The following LARP1B variants were observed in gnomAD, a reference collection of about 807,000 sequenced individuals.
LARP1B encodes la-related protein 1B.
In LARP1B, 76 loss-of-function variants were observed where a neutral mutation model predicts 114.2. The observed-to-expected ratio is 0.67, with a 90% CI of 0.55 to 0.81. The LOEUF (loss-of-function observed/expected upper bound fraction) is 0.81, where lower values mean the gene tolerates loss of function less well. LARP1B is among the 30% of genes least tolerant of loss of function. The pLI is 0.00. For synonymous variants in LARP1B, 345 were observed against 348.0 expected, an observed-to-expected ratio of 0.99 and a Z score of 0.10; for missense variants, 1,014 against 1,075.8, an observed-to-expected ratio of 0.94 and a Z score of 0.80.
chr4:128,122,742 G>A, intron 11 of LARP1B: 3 of 1,215,374 alleles, frequency 2.5e-6, no homozygotes, highest in Non-Finnish European at 3.1e-6. Flanking sequence ...CATTACTGTG[G>A]TGCTAGGGTT....
At position 128,065,265 on chromosome 4, in the gene LARP1B, C is replaced by CAA. The variant is rs1561010273; in HGVS notation, c.-78+3864_-78+3865insAA. Among the ~76,000 whole-genome samples, 306 of 83,244 alleles carry CAA rather than the reference C, an allele frequency of 3.7e-3. 5 individuals are homozygous for CAA. The highest frequency in any genetic ancestry group is 9.3e-3 in the African/African-American group (245 of 26,346). 54.6% of individuals were successfully genotyped at this position (83,244 alleles called of 152,430 possible). A position where few individuals can be genotyped will look rare whatever the true frequency, so the allele number is the denominator to read the frequency against. On this transcript the variant is annotated intron_variant, in intron 1 of 19. Coordinates refer to ENST00000326639, the MANE Select transcript of LARP1B (RefSeq NM_018078.4). ...TCTCCCACAATTAATTTCTTTCTTT[C>CAA]TTTCTTTCTTTCTTTCTTTCTTTCT...
At chr4:128,187,460 T>C (rs2150751093) in intron 15 of LARP1B, among the ~76,000 whole-genome samples, 1 of 152,348 alleles carries the variant, frequency 6.6e-6, no homozygotes, top group African/African-American at 2.4e-5. Flanking sequence ...CTGTAGCCCC[T>C]TTCTTTTGGG....
intron 1 of LARP1B, among the ~76,000 whole-genome samples, chr4:128,072,015 T>TTTATTTAC (rs1765561618): frequency 6.6e-6 from 1 of 151,928 alleles, no homozygotes; most frequent in Admixed American, 6.6e-5. Flanking sequence ...TATTTATTTA[T>TTTATTTAC]TTGAGATGGA....
intron 1 of LARP1B, chr4:128,068,920 T>C (rs1047316964): frequency 7.9e-5 from 39 of 491,366 alleles, no homozygotes; most frequent in Middle Eastern, 5.5e-4. Flanking sequence ...TGAAGCAGTC[T>C]GCAGACTAGT....
At chr4:128,164,225 G>A (rs1739738756) in intron 12 of LARP1B, among the ~76,000 whole-genome samples, 2 of 151,856 alleles carry the variant, frequency 1.3e-5, no homozygotes, top group African/African-American at 2.4e-5. Flanking sequence ...AATACTGAAA[G>A]GTAACTTCTT....
intron 15 of LARP1B, among the ~76,000 whole-genome samples, chr4:128,195,980 G>A (rs1561547137): frequency 6.6e-6 from 1 of 152,082 alleles, no homozygotes; most frequent in South Asian, 2.1e-4. Context: ...TGGGCTGGGC[G>A]TGGTGGCTCA....
At chr4:128,122,427 C>G in intron 11 of LARP1B, 1 of 1,494,488 alleles carries the variant, frequency 6.7e-7, no homozygotes, top group East Asian at 2.5e-5. Flanking sequence ...TACTCACTGA[C>G]TTATACCCTT....
intron 9 of LARP1B, chr4:128,108,306 T>C: frequency 9.8e-7 from 1 of 1,020,874 alleles, no homozygotes; most frequent in Non-Finnish European, 1.2e-6. Flanking sequence ...TGAGTAGCAT[T>C]TCCCAGATTC....
rs559312234 is a variant in LARP1B, at chr4:128,129,164, C to CAAAAAAAAA, written c.1524+7008_1524+7016dup. On this transcript the variant is annotated intron_variant, in intron 11 of 19. Coordinates refer to ENST00000326639, the MANE Select transcript of LARP1B (RefSeq NM_018078.4). ...TGGGCGACAGAGCGAGACTCTGTCT[C>CAAAAAAAAA]AAAAAAAAAAAAAAAAAAAAAAAAA... Among the ~76,000 whole-genome samples, 26 of 49,142 alleles carry CAAAAAAAAA rather than the reference C, an allele frequency of 5.3e-4. 1 individual carries two copies. The highest frequency in any genetic ancestry group is 1.6e-3 in the African/African-American group (17 of 10,316). The allele number at this position is 49,142 out of a possible 152,430, so 32.2% of individuals were successfully genotyped here.
At chr4:128,161,562 T>G (rs1033990512) in intron 11 of LARP1B, among the ~76,000 whole-genome samples, 4 of 152,196 alleles carry the variant, frequency 2.6e-5, no homozygotes, top group African/African-American at 7.2e-5. Context: ...TTTCTCCAAC[T>G]TCCTCATCAG....
intron 11 of LARP1B, among the ~76,000 whole-genome samples, chr4:128,157,954 A>G (rs1256521044): frequency 6.6e-6 from 1 of 152,174 alleles, no homozygotes; most frequent in Non-Finnish European, 1.5e-5. Flanking sequence ...GAGCAATGGG[A>G]AGGGTAAATA....
chr4:128,108,115 G>T, intron 9 of LARP1B: 1 of 1,348,302 alleles, frequency 7.4e-7, no homozygotes, highest in Non-Finnish European at 9.5e-7. Context: ...CAGACCAGAG[G>T]ACTGCTACTC....
At chr4:128,120,012 T>A (rs952377021) in intron 10 of LARP1B, among the ~76,000 whole-genome samples, 1 of 152,230 alleles carries the variant, frequency 6.6e-6, no homozygotes, top group Admixed American at 6.5e-5. Context: ...CAATGTATAT[T>A]GTTTAAAATA....
intron 7 of LARP1B, among the ~76,000 whole-genome samples, chr4:128,096,455 A>G (rs1414313529): frequency 2.6e-5 from 4 of 152,132 alleles, no homozygotes; most frequent in Non-Finnish European, 5.9e-5. Flanking sequence ...ATCCATTTAC[A>G]TTTCTCTCGG....
chr4:128,081,615 A>G (rs910890580), intron 4 of LARP1B, among the ~76,000 whole-genome samples: 2 of 152,090 alleles, frequency 1.3e-5, no homozygotes, highest in African/African-American at 2.4e-5. Flanking sequence ...TTTTAGGCCA[A>G]CTATGGGGAT....
intron 5 of LARP1B, among the ~76,000 whole-genome samples, chr4:128,085,377 T>TTTA (rs869302396): frequency 7.2e-5 from 10 of 139,060 alleles, no homozygotes; most frequent in East Asian, 2.0e-4. Flanking sequence ...TTTTTTTTTT[T>TTTA]AAATAAGTGA....
intron 11 of LARP1B, among the ~76,000 whole-genome samples, chr4:128,133,416 ATGT>A (rs1279081698): frequency 6.6e-6 from 1 of 152,372 alleles, no homozygotes; most frequent in East Asian, 1.9e-4. Flanking sequence ...TATTATTAAC[ATGT>A]CAGTACTATC....
At chr4:128,064,958 G>C (rs114666270) in intron 1 of LARP1B, among the ~76,000 whole-genome samples, 2,706 of 152,150 alleles carry the variant, frequency 0.018, 35 homozygotes, top group Non-Finnish European at 0.026. Context: ...TTTAAAAACT[G>C]TCAAGGTAAG....
In LARP1B at chr4:128,077,797, G is replaced by A. The variant is rs200457224; in HGVS notation, c.52G>A (p.Val18Ile). ...SELVNTGFQS[V>I]LSQGNKKPQN... is the part of the protein sequence containing the mutation. ...GAAAACCTTTTTGCAGTTTCAGAGC[G>A]TCCTCAGCCAAGGAAATAAAAAGCC... The change falls in exon 4 of 20, where the codon GTC becomes ATC. Residue 18 changes from valine to isoleucine, a missense_variant. Coordinates refer to ENST00000326639, the MANE Select transcript of LARP1B (RefSeq NM_018078.4). 401 of 1,586,008 alleles carry A rather than the reference G, an allele frequency of 2.5e-4. No individual in the cohort carries two copies. Among genetic ancestry groups the A allele is most frequent in the Middle Eastern group, 2.0e-3 (10 of 5,008 alleles).
Sources: gnomAD v4.1 joint callset for allele counts (sites outside exome capture counted in the v4.1 genomes callset) on GRCh38, gnomAD v4.1.1 for gene constraint, MANE v1.5 for transcripts, NCBI Gene and HGNC (gene_info 2026-07-23, HGNC 2026-07-21) for gene names.